Variants in KLHL40 observed in about 807,000 individuals in gnomAD.
KLHL40 encodes the protein kelch like family member 40, also known as kelch-like protein 40.
In KLHL40, 44 loss-of-function variants were observed where a neutral mutation model predicts 49.7. The observed-to-expected ratio is 0.89, with a 90% CI of 0.70 to 1.14. The LOEUF is 1.14. Among genes scored for constraint, KLHL40 ranks in the 50% most tolerant of loss-of-function variants. The pLI is 0.00. For synonymous variants in KLHL40, 409 were observed against 365.2 expected (o/e 1.12, Z -1.37); for missense variants, 892 against 850.3 (o/e 1.05, Z -0.61).
Position 42,685,800 on chromosome 3 carries a change from G to T in KLHL40, c.182G>T (p.Arg61Leu). The T allele has an allele frequency of 6.2e-7, 1 of 1,612,266 alleles. No homozygotes were observed. The highest frequency in any genetic ancestry group is 8.5e-7 in the Non-Finnish European group (1 of 1,179,588). Reference sequence around the variant, plus strand: ...GCCTGCAGCCCCTACTTCCGGGCGCGCTTTCTAGCCGAGCCGGAGCGCGCG... The same window carrying T: ...GCCTGCAGCCCCTACTTCCGGGCGCTCTTTCTAGCCGAGCCGGAGCGCGCG... Reference protein sequence around the residue: ...LAACSPYFRARFLAEPERAGE... With the variant: ...LAACSPYFRALFLAEPERAGE... The change falls in exon 1 of 6, where the codon CGC becomes CTC. Residue 61 changes from arginine (R) to leucine (L), a missense_variant. Transcript: ENST00000287777.
intron 1 of KLHL40, 105 bp downstream of exon 1, chr3:42,686,875 G>A (rs1223599530): frequency 4.0e-6 from 4 of 989,696 alleles, no homozygotes; most frequent in Non-Finnish European, 5.9e-6. Context: ...GAATGCCACT[G>A]GGTCTAGGGT....
At chr3:42,690,502 A>AG (rs1468652962) in intron 4 of KLHL40, among the ~76,000 whole-genome samples, 1 of 151,806 alleles carries the variant, frequency 6.6e-6, no homozygotes, top group East Asian at 1.9e-4. Flanking sequence ...GGGGCCGCTG[A>AG]GGGGCAAAAG....
chr3:42,688,420 G>A lies in KLHL40; in HGVS notation c.1313+118G>A. ...AGAGCCTTGTGCTTAGAGTGAAGGT[G>A]GGCTTGGGTAAGGGCGGGGAGGTTG... On this transcript the variant is annotated intron_variant, in intron 2 of 5. Transcript: ENST00000287777. This position sits in a 1 kb window ranked among gnomAD's most constrained non-coding sequence, Gnocchi z 4.2. 2 of 1,235,412 alleles carry A rather than the reference G, an allele frequency of 1.6e-6. No homozygotes were observed. Among genetic ancestry groups the A allele is most frequent in the Non-Finnish European group, 2.3e-6 (2 of 867,382 alleles). 76.5% of individuals were successfully genotyped at this position (1,235,412 alleles called of 1,614,324 possible). A position where few individuals can be genotyped will look rare whatever the true frequency, so the allele number is the denominator to read the frequency against.
At position 42,686,416 on chromosome 3, in the gene KLHL40, C is replaced by A. The variant is rs1483236529; in HGVS notation, c.798C>A (p.Thr266=). Residue 266 remains threonine, a synonymous_variant, in exon 1 of 6, where the codon ACC becomes ACA. Coordinates refer to ENST00000287777, the MANE Select transcript of KLHL40 (RefSeq NM_152393.4). ...AGGATGCACACGAGGGCCGCATCAC[C>A]ACGCTGCGGAAGAAAAAGAAGGGGA... is the stretch of plus-strand genomic sequence containing the variant. ...MVKDAHEGRI[T]TLRKKKKGKD... 2 of 1,613,740 alleles carry A rather than the reference C, an allele frequency of 1.2e-6. No individual in the cohort carries two copies. Among genetic ancestry groups the A allele is most frequent in the Non-Finnish European group, 1.7e-6 (2 of 1,179,998 alleles).
At position 42,686,098 on chromosome 3, in the gene KLHL40, C is replaced by T. The variant is rs201718319; in HGVS notation, c.480C>T (p.Phe160=). The T allele has an allele frequency of 6.2e-7, 1 of 1,601,734 alleles. No homozygotes were observed. The highest frequency in any genetic ancestry group is 1.3e-5 in the African/African-American group (1 of 75,052). ...CCCGCGACTTCATCTGCGCTCACTT[C>T]ACGCTGGTGGCGCGCGACGCTGACT... ...VAARDFICAH[F]TLVARDADFL... is the part of the protein sequence containing the mutation. Residue 160 remains phenylalanine, a synonymous_variant, in exon 1 of 6, where the codon TTC becomes TTT. Transcript: ENST00000287777.
chr3:42,691,787 G>A (rs998870743), intron 5 of KLHL40, 95 bp from the exon 6 acceptor site: 5 of 787,430 alleles, frequency 6.3e-6, no homozygotes, highest in Admixed American at 3.6e-5. Flanking sequence ...CTAGAGATGG[G>A]CCAAGTGCCC....
intron 1 of KLHL40, 24 bp downstream of exon 1, chr3:42,686,794 G>A (rs754671494): frequency 7.6e-6 from 12 of 1,574,218 alleles, no homozygotes; most frequent in Middle Eastern, 1.8e-4. Flanking sequence ...CTTGGGAGCC[G>A]CCAGCTAATG....
Position 42,686,671 on chromosome 3 carries a change from CG to C in KLHL40, c.1054del (p.Val352SerfsTer27). ...SLSNQVPKNH[V>X]SLVTKENQVF... ...TCTCCAACCAGGTCCCCAAGAACCA[CG>C]TCAGCCTGGTTACCAAGGAGAACCA... On this transcript the variant is annotated frameshift_variant, in exon 1 of 6. Coordinates refer to ENST00000287777, the MANE Select transcript of KLHL40 (RefSeq NM_152393.4). LOFTEE classifies it high-confidence loss of function. 6.2e-7 allele frequency: 1 copy of C among 1,613,878 alleles called. No homozygotes were observed. Among genetic ancestry groups the C allele is most frequent in the Non-Finnish European group, 8.5e-7 (1 of 1,180,010 alleles).
In KLHL40 at chr3:42,688,292, TA is replaced by T; in HGVS notation, c.1304del (p.Tyr435SerfsTer32). On this transcript the variant is annotated frameshift_variant, in exon 2 of 6. Transcript: ENST00000287777. LOFTEE classifies it high-confidence loss of function. The surrounding 1 kb of genome is among the most constrained non-coding windows in gnomAD (Gnocchi z 4.2). ...GERCLDSVMC[Y>X]DRLSFKWGES... is the part of the protein sequence containing the mutation. The stretch of plus-strand genomic sequence containing the variant: ...GCGCTGCCTGGACTCGGTCATGTGC[TA>T]CGACAGGCTGTGAGCATGGCTGGGG... 6.2e-7 allele frequency: 1 copy of T among 1,613,870 alleles called. No individual in the cohort carries two copies.
chr3:42,691,121 C>A (rs1697358173), intron 5 of KLHL40, 116 bp downstream of exon 5: 1 of 1,047,304 alleles, frequency 9.5e-7, no homozygotes, highest in Non-Finnish European at 1.3e-6. Context: ...GCGGATCCCT[C>A]TTCTAGGGAG....
Position 42,688,061 on chromosome 3 carries a change from T to C in KLHL40, c.1153-81T>C. On this transcript the variant is annotated intron_variant, in intron 1 of 5. Transcript: ENST00000287777. This position sits in a 1 kb window ranked among gnomAD's most constrained non-coding sequence, Gnocchi z 4.2. ...CCTGGGTTCCCGACCTCCTCCGTGA[T>C]CTGGGGCAGTGGGACTGAGTGGGGC... 1 of 1,572,068 alleles carries C rather than the reference T, an allele frequency of 6.4e-7. No individual in the cohort carries two copies. Among genetic ancestry groups the C allele is most frequent in the Non-Finnish European group, 8.7e-7 (1 of 1,147,600 alleles).
At chr3:42,690,642 G>A (rs1697348573) in intron 4 of KLHL40, among the ~76,000 whole-genome samples, 1 of 152,070 alleles carries the variant, frequency 6.6e-6, no homozygotes, top group Non-Finnish European at 1.5e-5. Flanking sequence ...AGGTTGGATA[G>A]AATGGCAAGA....
At position 42,688,660 on chromosome 3, in the gene KLHL40, A is replaced by G. The variant is rs770866675; in HGVS notation, c.1364A>G (p.His455Arg). 6.2e-7 allele frequency: 1 copy of G among 1,614,042 alleles called. No homozygotes were observed. The highest frequency in any genetic ancestry group is 8.5e-7 in the Non-Finnish European group (1 of 1,180,008). The change falls in exon 3 of 6, where the codon CAC becomes CGC. Residue 455 changes from histidine (H) to arginine (R), a missense_variant. Transcript: ENST00000287777. This position sits in a 1 kb window ranked among gnomAD's most constrained non-coding sequence, Gnocchi z 4.2. ...SDPLPYVVYG[H>R]TVLSHMDLVY... Reference sequence around the variant, plus strand: ...CCGCTGCCTTACGTGGTGTATGGCCACACAGTGCTCTCCCACATGGACCTT... The same window carrying G: ...CCGCTGCCTTACGTGGTGTATGGCCGCACAGTGCTCTCCCACATGGACCTT...
Position 42,686,089 on chromosome 3 carries a change from C to T in KLHL40, c.471C>T (p.Cys157=). ...RLAVAARDFI[C]AHFTLVARDA... is the part of the protein sequence containing the mutation. Reference sequence around the variant, plus strand: ...CCGTGGCTGCCCGCGACTTCATCTGCGCTCACTTCACGCTGGTGGCGCGCG... The same window carrying T: ...CCGTGGCTGCCCGCGACTTCATCTGTGCTCACTTCACGCTGGTGGCGCGCG... Residue 157 remains cysteine (C), a synonymous_variant, in exon 1 of 6, where the codon TGC becomes TGT. Coordinates refer to ENST00000287777, the MANE Select transcript of KLHL40 (RefSeq NM_152393.4). The T allele has an allele frequency of 6.2e-7, 1 of 1,602,550 alleles. No individual in the cohort carries two copies. Among genetic ancestry groups the T allele is most frequent in the Non-Finnish European group, 8.5e-7 (1 of 1,179,866 alleles).
intron 1 of KLHL40, among the ~76,000 whole-genome samples, chr3:42,686,989 A>AG (rs1697282463): frequency 6.6e-6 from 1 of 152,224 alleles, no homozygotes; most frequent in South Asian, 2.1e-4. Flanking sequence ...TCTTAATTTC[A>AG]GGGGTGTGGT....
chr3:42,689,009 C>A lies in KLHL40; in HGVS notation c.1562C>A (p.Thr521Lys). The stretch of plus-strand genomic sequence containing the variant: ...ATCGTGGCAGCTGGGGTCACCGACA[C>A]AGGGCTGACCAGTTCTGCCGAAGTG... ...RIIVAAGVTD[T>K]GLTSSAEVYS... Residue 521 changes from threonine to lysine, a missense_variant, in exon 4 of 6, where the codon ACA becomes AAA. By Grantham distance (78) the Thr-to-Lys change is moderately conservative. Coordinates refer to ENST00000287777, the MANE Select transcript of KLHL40 (RefSeq NM_152393.4). 1 of 1,614,156 alleles carries A rather than the reference C, an allele frequency of 6.2e-7. No individual in the cohort carries two copies. Among genetic ancestry groups the A allele is most frequent in the Non-Finnish European group, 8.5e-7 (1 of 1,179,998 alleles).
Position 42,685,942 on chromosome 3 carries a change from A to C in KLHL40, c.324A>C (p.Ala108=), listed in dbSNP as rs35033264. Residue 108 remains alanine (A), a synonymous_variant, in exon 1 of 6, where the codon GCA becomes GCC. Coordinates refer to ENST00000287777, the MANE Select transcript of KLHL40 (RefSeq NM_152393.4). ...GCGTGCAGGATTTGTTCGCCGCGGC[A>C]CACCGCTTCCAGATCCCTTCCATCT... The part of the protein sequence containing the change: ...EASVQDLFAA[A]HRFQIPSIFT... The C allele has an allele frequency of 6.2e-7, 1 of 1,611,720 alleles. No homozygotes were observed. Among genetic ancestry groups the C allele is most frequent in the South Asian group, 1.1e-5 (1 of 91,084 alleles).
intron 4 of KLHL40, among the ~76,000 whole-genome samples, chr3:42,689,869 C>T (rs1419229813): frequency 2.0e-5 from 3 of 152,092 alleles, no homozygotes; most frequent in African/African-American, 2.4e-5. Context: ...GCATTTCTAA[C>T]GCACCCCCAG....
intron 1 of KLHL40, 139 bp downstream of exon 1, chr3:42,686,909 C>A: frequency 1.4e-6 from 1 of 704,490 alleles, no homozygotes; most frequent in South Asian, 2.0e-5. Context: ...GGGAGGTTGA[C>A]TGATAGCCAC....
Sources: gnomAD v4.1 joint callset for allele counts (sites outside exome capture counted in the v4.1 genomes callset) on GRCh38, gnomAD v4.1.1 for gene constraint, Gnocchi (gnomAD v3.1) non-coding constraint, MANE v1.5 for transcripts, NCBI Gene and HGNC (gene_info 2026-07-23, HGNC 2026-07-21) for gene names.